The following ZBTB45 variants were observed in gnomAD, a reference collection of about 807,000 sequenced individuals.
The protein encoded by ZBTB45 is zinc finger and BTB domain containing 45, also known as zinc finger and BTB domain-containing protein 45.
A neutral mutation model predicts 28.4 loss-of-function variants in ZBTB45; 22 were observed. That is an observed-to-expected ratio of 0.77 (90% CI 0.55 to 1.10). The LOEUF (loss-of-function observed/expected upper bound fraction) is 1.10. ZBTB45 is among the 50% of genes least tolerant of loss of function. ZBTB45 has a pLI of 0.00. For synonymous variants in ZBTB45, 361 were observed against 332.3 expected, an observed-to-expected ratio of 1.09 and a Z score of -0.94; for missense variants, 656 against 750.2, an observed-to-expected ratio of 0.87 and a Z score of 1.47.
chr19:58,538,596 G>C (rs933792783), intron 1 of ZBTB45: 1 of 152,270 alleles, frequency 6.6e-6, no homozygotes. Flanking sequence ...ACCCGGCCCA[G>C]CGGTCGACGC....
At chr19:58,520,857 CCTGA>C (rs906028880), upstream of ZBTB45, among the ~76,000 whole-genome samples, 5 of 151,280 alleles carry the variant, frequency 3.3e-5, no homozygotes, top group African/African-American at 1.2e-4. Flanking sequence ...TCGAGACCAT[CCTGA>C]CTAACACAGT....
At chr19:58,519,209 C>T (rs1033432903) in intron 1 of ZBTB45, 1 of 152,496 alleles carries the variant, frequency 6.6e-6, no homozygotes, top group African/African-American at 2.4e-5. Context: ...AAAGCCAGGC[C>T]TGTGCCCGCG....
chr19:58,524,435 A>G (rs55862022), upstream of ZBTB45, among the ~76,000 whole-genome samples: 24,549 of 138,320 alleles, frequency 0.18, 2,215 homozygotes, highest in Middle Eastern at 0.23. Flanking sequence ...GTGTTCATAT[A>G]TGTGTGTGTG....
chr19:58,519,964 C>A (rs1568646464), upstream of ZBTB45: 1 of 152,280 alleles, frequency 6.6e-6, no homozygotes, highest in Non-Finnish European at 1.5e-5. Flanking sequence ...GTCGAAGAGG[C>A]TAGGGCTGCC....
In ZBTB45 at chr19:58,517,130, G is replaced by A; in HGVS notation, c.544C>T (p.Pro182Ser). 4 of 1,612,670 alleles carry A rather than the reference G, an allele frequency of 2.5e-6. No homozygotes were observed. The highest frequency in any genetic ancestry group is 3.4e-6 in the Non-Finnish European group (4 of 1,179,798). The change falls in exon 2 of 3, where the codon CCA becomes TCA. Residue 182 changes from proline to serine, a missense_variant. Transcript: ENST00000594051. ...KQRQPARLQL[P>S]APPTPAKAEG... ...GCCTTGGCAGGTGTTGGGGGCGCTG[G>A]CAGCTGCAAACGCGCGGGCTGGCGC...
In ZBTB45 at chr19:58,517,175, C is replaced by T; in HGVS notation, c.499G>A (p.Ala167Thr). The T allele has an allele frequency of 2.5e-6, 4 of 1,608,842 alleles. No homozygotes were observed. The highest frequency in any genetic ancestry group is 3.4e-6 in the Non-Finnish European group (4 of 1,177,752). Residue 167 changes from alanine (A) to threonine (T), a missense_variant, in exon 2 of 3, where the codon GCT becomes ACT. Coordinates refer to ENST00000594051, the MANE Select transcript of ZBTB45 (RefSeq NM_001316979.2). ...TGGCGCTGCTTACGGCTGTGTGCAG[C>T]ACCGGGGTGCCCCGGGGGACGTGCA... Reference protein sequence around the residue: ...LAARPPGHPGAAHSRKQRQPA... With the variant: ...LAARPPGHPGTAHSRKQRQPA...
At chr19:58,530,805 T>C (rs2053632284) in intron 1 of ZBTB45, among the ~76,000 whole-genome samples, 1 of 151,944 alleles carries the variant, frequency 6.6e-6, no homozygotes, top group South Asian at 2.1e-4. Flanking sequence ...TGCCTCAGCC[T>C]CCCAAGTAGC....
chr19:58,535,027 T>G (rs998735535), intron 1 of ZBTB45, among the ~76,000 whole-genome samples: 1 of 151,952 alleles, frequency 6.6e-6, no homozygotes, highest in African/African-American at 2.4e-5. Flanking sequence ...AGCTAATTTT[T>G]GTATTTTTAG....
chr19:58,522,421 T>C (rs111777318), upstream of ZBTB45, among the ~76,000 whole-genome samples: 2 of 151,800 alleles, frequency 1.3e-5, no homozygotes, highest in Non-Finnish European at 2.9e-5. Flanking sequence ...CTCGGCCTCC[T>C]AAAGTGCTGG....
chr19:58,533,964 T>G (rs770278645), intron 1 of ZBTB45, among the ~76,000 whole-genome samples: 2 of 152,208 alleles, frequency 1.3e-5, no homozygotes, highest in African/African-American at 2.4e-5. Context: ...CATACAAATG[T>G]GCACTGAGAA....
At chr19:58,538,600 T>A (rs752546781) in intron 1 of ZBTB45, 2 of 152,158 alleles carry the variant, frequency 1.3e-5, no homozygotes, top group Non-Finnish European at 2.9e-5. Flanking sequence ...GGCCCAGCGG[T>A]CGACGCGCCC....
upstream of ZBTB45, among the ~76,000 whole-genome samples, chr19:58,521,918 G>A (rs1300889439): frequency 6.6e-6 from 1 of 152,036 alleles, no homozygotes; most frequent in Non-Finnish European, 1.5e-5. Flanking sequence ...AGACAGACAG[G>A]GTCAGGATGC....
At chr19:58,532,772 T>G (rs1220585732) in intron 1 of ZBTB45, among the ~76,000 whole-genome samples, 5 of 152,126 alleles carry the variant, frequency 3.3e-5, no homozygotes, top group Admixed American at 3.3e-4. Flanking sequence ...GGTCTCAGAC[T>G]CCTGACTCAG....
At chr19:58,514,452 A>C in intron 2 of ZBTB45, 142 bp from the exon 3 acceptor site, 1 of 1,065,950 alleles carries the variant, frequency 9.4e-7, no homozygotes, top group Non-Finnish European at 1.3e-6. Context: ...TCCCTTGCCT[A>C]TCAGAGAACC....
At chr19:58,524,405 A>ATATGTGTGTG (rs1398574271), upstream of ZBTB45, among the ~76,000 whole-genome samples, 3 of 35,228 alleles carry the variant, frequency 8.5e-5, no homozygotes, top group African/African-American at 1.3e-4. Context: ...GTGTATATAT[A>ATATGTGTGTG]TGTGTGTGTG....
intron 1 of ZBTB45, among the ~76,000 whole-genome samples, chr19:58,531,042 T>C (rs575125670): frequency 1.3e-5 from 2 of 152,308 alleles, no homozygotes; most frequent in South Asian, 4.1e-4. Flanking sequence ...CTGGATCGTG[T>C]TTAACTGTTT....
At chr19:58,531,629 G>A (rs1388920907) in intron 1 of ZBTB45, among the ~76,000 whole-genome samples, 1 of 152,232 alleles carries the variant, frequency 6.6e-6, no homozygotes, top group Non-Finnish European at 1.5e-5. Flanking sequence ...CCCTTGGGAA[G>A]GCAGGATTGA....
At chr19:58,529,868 T>G (rs969694393) in intron 1 of ZBTB45, among the ~76,000 whole-genome samples, 2 of 152,194 alleles carry the variant, frequency 1.3e-5, no homozygotes, top group Admixed American at 6.5e-5. Context: ...TCAACCGTGT[T>G]GTAGCACATA....
Position 58,516,746 on chromosome 19 carries a change from G to C in ZBTB45, c.928C>G (p.Pro310Ala), listed in dbSNP as rs2053504224. 1.2e-6 allele frequency: 2 copies of C among 1,612,306 alleles called. No individual in the cohort carries two copies. Among genetic ancestry groups the C allele is most frequent in the South Asian group, 1.1e-5 (1 of 90,914 alleles). Residue 310 changes from proline (P) to alanine (A), a missense_variant, in exon 2 of 3, where the codon CCC becomes GCC. This residue lies in a region of ZBTB45 where 448 missense variants were observed against 444.3 expected (regional missense o/e 1.01). Transcript: ENST00000594051. The surrounding 1 kb of genome is among the most constrained non-coding windows in gnomAD (Gnocchi z 6.2). ...CGGGATCCAGACAGTATGCAGTCGG[G>C]CTGGACAGGGGTCTCAGTGGGACAG... ...EGCPTETPVQ[P>A]DCILSGSRPP...
Sources: gnomAD v4.1 joint callset for allele counts (sites outside exome capture counted in the v4.1 genomes callset) on GRCh38, gnomAD v4.1.1 for gene constraint, gnomAD v4.1.1 regional missense constraint, Gnocchi (gnomAD v3.1) non-coding constraint, MANE v1.5 for transcripts, NCBI Gene and HGNC (gene_info 2026-07-23, HGNC 2026-07-21) for gene names.